ARFGEF2: variants seen among roughly 807,000 people sequenced by gnomAD.
ARFGEF2 encodes ARF guanine nucleotide exchange factor 2, also known as brefeldin A-inhibited guanine nucleotide-exchange protein 2.
ARFGEF2 carries 74 observed loss-of-function variants against 219.9 expected under a neutral mutation model. The observed-to-expected ratio is 0.34, with a 90% CI of 0.28 to 0.41. ARFGEF2 has a LOEUF of 0.41. ARFGEF2 is among the 10% of genes least tolerant of loss of function. The pLI is 1.00. For synonymous variants in ARFGEF2, 733 were observed against 799.2 expected (o/e 0.92, Z 1.40); for missense variants, 1,743 against 2,218.3 (o/e 0.79, Z 4.30).
At position 48,952,837 on chromosome 20, in the gene ARFGEF2, C is replaced by T; in HGVS notation, c.556C>T (p.Leu186Phe). The change falls in exon 5 of 39, where the codon CTT (leucine) becomes TTT (phenylalanine). Residue 186 changes from leucine (L) to phenylalanine (F), a missense_variant. Physicochemically the swap from Leu to Phe is conservative, Grantham distance 22 (BLOSUM62 0). This residue lies in a region of ARFGEF2 where 394 missense variants were observed against 426.6 expected (regional missense o/e 0.92). Transcript: ENST00000371917. ...LINQTTAKAT[L>F]TQMLNVIFTR... The stretch of plus-strand genomic sequence containing the variant: ...CAATCAAACCACTGCCAAGGCTACC[C>T]TTACTCAGATGCTGAACGTCATTTT... 3.7e-6 allele frequency: 6 copies of T among 1,614,238 alleles called. No homozygotes were observed. Among genetic ancestry groups the T allele is most frequent in the Non-Finnish European group, 5.1e-6 (6 of 1,180,034 alleles).
chr20:48,996,987 T>C (rs1438820962), intron 23 of ARFGEF2, among the ~76,000 whole-genome samples: 1 of 152,150 alleles, frequency 6.6e-6, no homozygotes, highest in Non-Finnish European at 1.5e-5. Context: ...TTGCCTGTTC[T>C]GGACATTGTT....
In ARFGEF2 at chr20:48,933,111, C is replaced by T. The variant is rs1002050499; in HGVS notation, c.122-8088C>T. Among the ~76,000 whole-genome samples the T allele has an allele frequency of 3.9e-5, 6 of 152,176 alleles. 1 individual carries two copies. The highest frequency in any genetic ancestry group is 4.8e-5 in the African/African-American group (2 of 41,440). On this transcript the variant is annotated intron_variant, in intron 1 of 38. Coordinates refer to ENST00000371917, the MANE Select transcript of ARFGEF2 (RefSeq NM_006420.3). ...GCGGTAACATCCAGAAAGGATTTCC[C>T]GCAAAGACAGCGCGGCTTTTCAGCT...
In ARFGEF2 at chr20:48,988,801, A is replaced by G. The variant is rs550207133; in HGVS notation, c.2533+139A>G. Reference sequence around the variant, plus strand: ...AAATGTGATTGAATTAATTATTGTGATTATGTTGGGACTTTTATAATGTCA... The same window carrying G: ...AAATGTGATTGAATTAATTATTGTGGTTATGTTGGGACTTTTATAATGTCA... On this transcript the variant is annotated intron_variant, in intron 18 of 38. Coordinates refer to ENST00000371917, the MANE Select transcript of ARFGEF2 (RefSeq NM_006420.3). 3 of 837,868 alleles carry G rather than the reference A, an allele frequency of 3.6e-6. No individual in the cohort carries two copies. The South Asian group carries it at 5.1e-5, about 14-fold the overall frequency. The allele number at this position is 837,868 out of a possible 1,614,324, so 51.9% of individuals were successfully genotyped here.
intron 3 of ARFGEF2, among the ~76,000 whole-genome samples, chr20:48,943,240 A>G (rs2091005244): frequency 6.6e-6 from 1 of 152,208 alleles, no homozygotes; most frequent in Admixed American, 6.5e-5. Flanking sequence ...CAAATTTTTT[A>G]CTGCTCTGTG....
At chr20:48,981,913 G>T (rs1258522866) in intron 14 of ARFGEF2, among the ~76,000 whole-genome samples, 1 of 152,120 alleles carries the variant, frequency 6.6e-6, no homozygotes, top group African/African-American at 2.4e-5. Flanking sequence ...TAGCTTCCTT[G>T]CGATGGGTTC....
chr20:48,951,795 A>C (rs922097775), intron 4 of ARFGEF2, among the ~76,000 whole-genome samples: 1 of 152,136 alleles, frequency 6.6e-6, no homozygotes, highest in African/African-American at 2.4e-5. Flanking sequence ...TGATATTCTT[A>C]TCTCTGACTT....
intron 9 of ARFGEF2, among the ~76,000 whole-genome samples, chr20:48,970,592 A>G (rs948856086): frequency 1.2e-4 from 19 of 152,202 alleles, no homozygotes; most frequent in Admixed American, 5.2e-4. Flanking sequence ...GCCTGGACAA[A>G]AAGAGCAAAA....
Position 48,965,997 on chromosome 20 carries a change from C to A in ARFGEF2, c.1033C>A (p.Gln345Lys), listed in dbSNP as rs1356788227. The A allele has an allele frequency of 6.2e-6, 10 of 1,614,004 alleles. No homozygotes were observed. Among genetic ancestry groups the A allele is most frequent in the Non-Finnish European group, 8.5e-6 (10 of 1,179,976 alleles). The change falls in exon 8 of 39, where the codon CAG becomes AAG. Residue 345 changes from glutamine (Q) to lysine (K), a missense_variant. Around this residue, in one of 5 missense-constraint regions of ARFGEF2, gnomAD observed 394 missense variants for 426.6 expected, o/e 0.92. Transcript: ENST00000371917. ...SQTNGIADDR[Q>K]SLSSADNLES... ...GACCAACGGGATAGCCGATGACAGGCAGTCCTTGTCGTCAGCAGATAATCT... is the reference window on the plus strand; with the variant it reads ...GACCAACGGGATAGCCGATGACAGGAAGTCCTTGTCGTCAGCAGATAATCT...
chr20:49,025,385 C>G lies in ARFGEF2; in HGVS notation c.4828C>G (p.His1610Asp). The change falls in exon 36 of 39, where the codon CAC (histidine) becomes GAC (aspartate). Residue 1610 changes from histidine (H) to aspartate (D), a missense_variant. Transcript: ENST00000371917. ...CATGTATAAGTACATGTCTTCCCAG[C>G]ACCTCTTCAAGCTGTTGGACTGTTT... is the stretch of plus-strand genomic sequence containing the variant. Reference protein sequence around the residue: ...QGMYKYMSSQHLFKLLDCLQE... With the variant: ...QGMYKYMSSQDLFKLLDCLQE... 6.2e-7 allele frequency: 1 copy of G among 1,614,086 alleles called. No individual in the cohort carries two copies. Among genetic ancestry groups the G allele is most frequent in the Non-Finnish European group, 8.5e-7 (1 of 1,179,994 alleles).
chr20:48,982,953 G>A (rs752649296), intron 14 of ARFGEF2, among the ~76,000 whole-genome samples: 27 of 152,250 alleles, frequency 1.8e-4, no homozygotes, highest in Non-Finnish European at 2.6e-4. Flanking sequence ...TACGCTTCCC[G>A]GGTAAAGCGA....
At chr20:48,935,623 G>A (rs1004112548) in intron 1 of ARFGEF2, among the ~76,000 whole-genome samples, 73 of 152,356 alleles carry the variant, frequency 4.8e-4, no homozygotes, top group African/African-American at 1.7e-3. Flanking sequence ...CCTTGCAGAC[G>A]GGGTGGTGGC....
In ARFGEF2 at chr20:49,034,834, C is replaced by T. The variant is rs961844955; in HGVS notation, c.*1635C>T. The T allele has an allele frequency of 4.6e-5, 7 of 152,154 alleles. No homozygotes were observed. Among genetic ancestry groups the T allele is most frequent in the African/African-American group, 1.7e-4 (7 of 41,442 alleles). The allele number at this position is 152,154 out of a possible 1,614,324, so 9.4% of individuals were successfully genotyped here. On this transcript the variant is annotated 3_prime_UTR_variant, in exon 39 of 39. Transcript: ENST00000371917. Reference sequence around the variant, plus strand: ...TGGTTTTGGCCAGCAGAATTCTTGTCTACTTTTTTCTTTCCCAAAAAGTGT... The same window carrying T: ...TGGTTTTGGCCAGCAGAATTCTTGTTTACTTTTTTCTTTCCCAAAAAGTGT...
intron 2 of ARFGEF2, 148 bp downstream of exon 2, chr20:48,941,377 C>A: frequency 1.2e-6 from 1 of 819,892 alleles, no homozygotes; most frequent in Non-Finnish European, 2.1e-6. Flanking sequence ...GCACACGGCA[C>A]AACTCTGTGT....
At chr20:48,999,219 C>T (rs906452945) in intron 25 of ARFGEF2, 11 of 447,214 alleles carry the variant, frequency 2.5e-5, no homozygotes, top group African/African-American at 8.1e-5. Context: ...GCCTGGGTAA[C>T]GGAGCAAGAC....
At chr20:48,960,936 T>G (rs1261154383) in intron 6 of ARFGEF2, among the ~76,000 whole-genome samples, 1 of 151,124 alleles carries the variant, frequency 6.6e-6, no homozygotes, top group Non-Finnish European at 1.5e-5. Flanking sequence ...AAAAATTAGC[T>G]GGGCATGGTG....
At chr20:48,981,923 C>T (rs866275674) in intron 14 of ARFGEF2, among the ~76,000 whole-genome samples, 3 of 152,124 alleles carry the variant, frequency 2.0e-5, no homozygotes, top group South Asian at 2.1e-4. Flanking sequence ...GCGATGGGTT[C>T]GAACATCCTC....
intron 30 of ARFGEF2, among the ~76,000 whole-genome samples, chr20:49,015,670 A>G (rs1377092740): frequency 1.3e-5 from 2 of 152,218 alleles, no homozygotes; most frequent in African/African-American, 4.8e-5. Context: ...GTAGCCATTT[A>G]CACTTCTGTC....
At chr20:48,933,123 G>A (rs1434682447) in intron 1 of ARFGEF2, among the ~76,000 whole-genome samples, 4 of 152,280 alleles carry the variant, frequency 2.6e-5, no homozygotes, top group East Asian at 1.9e-4. Flanking sequence ...CAAAGACAGC[G>A]CGGCTTTTCA....
chr20:48,956,268 C>A (rs1294183380), intron 6 of ARFGEF2, among the ~76,000 whole-genome samples: 2 of 152,234 alleles, frequency 1.3e-5, no homozygotes, highest in Admixed American at 6.5e-5. Context: ...ACTTGGCATT[C>A]AACATAATGT....
Sources: allele counts gnomAD v4.1 joint callset (sites outside exome capture counted in the v4.1 genomes callset), GRCh38; gene constraint gnomAD v4.1.1; regional missense constraint gnomAD v4.1.1; transcripts MANE v1.5; gene names NCBI Gene and HGNC (gene_info 2026-07-23, HGNC 2026-07-21).